Variants in UNC13C observed in about 807,000 individuals in gnomAD.
UNC13C encodes the protein protein unc-13 homolog C.
In UNC13C, 174 loss-of-function variants were observed where a neutral mutation model predicts 245.4. That is an observed-to-expected ratio of 0.71 (90% CI 0.63 to 0.80). The LOEUF is 0.80. Ranked by LOEUF, UNC13C falls within the 30% of genes least tolerant of loss-of-function variation. UNC13C has a pLI of 0.00. For synonymous variants in UNC13C, 992 were observed against 895.1 expected, an observed-to-expected ratio of 1.11 and a Z score of -1.93; for missense variants, 2,829 against 2,602.9, an observed-to-expected ratio of 1.09 and a Z score of -1.89.
chr15:54,526,869 AT>A (rs1036669101), intron 25 of UNC13C, among the ~76,000 whole-genome samples: 4 of 152,124 alleles, frequency 2.6e-5, no homozygotes, highest in African/African-American at 7.2e-5. Flanking sequence ...TAGTTATGCC[AT>A]TTTTTAAATA....
chr15:54,129,927 T>TA (rs2031306468), intron 2 of UNC13C, among the ~76,000 whole-genome samples: 1 of 151,612 alleles, frequency 6.6e-6, no homozygotes, highest in East Asian at 1.9e-4. Flanking sequence ...GTTTTTTTTT[T>TA]ATCTTCTTGA....
At chr15:54,437,007 C>T (rs570419060) in intron 19 of UNC13C, among the ~76,000 whole-genome samples, 1 of 151,966 alleles carries the variant, frequency 6.6e-6, no homozygotes, top group African/African-American at 2.4e-5. Flanking sequence ...TAGCCCATAG[C>T]CTGCAAAATT....
intron 17 of UNC13C, among the ~76,000 whole-genome samples, chr15:54,358,872 G>C (rs2039161199): frequency 6.6e-6 from 1 of 151,998 alleles, no homozygotes. Context: ...CAGTGAAAGT[G>C]GACATCCTTA....
chr15:54,455,197 CTCTCTCTCTATATATATATA>C (rs1442599757), intron 19 of UNC13C, among the ~76,000 whole-genome samples: 32 of 43,924 alleles, frequency 7.3e-4, no homozygotes, highest in African/African-American at 2.2e-3. Flanking sequence ...CTCTCTCTCT[CTCTCTCTCTATATATATATA>C]TATATATATA....
intron 2 of UNC13C, among the ~76,000 whole-genome samples, chr15:54,116,224 T>A (rs2030234106): frequency 6.6e-6 from 1 of 152,136 alleles, no homozygotes; most frequent in South Asian, 2.1e-4. Context: ...ATCAAACCAG[T>A]GTAATTAGAA....
At chr15:54,585,607 A>T (rs2141246394) in intron 30 of UNC13C, among the ~76,000 whole-genome samples, 1 of 152,294 alleles carries the variant, frequency 6.6e-6, no homozygotes, top group Non-Finnish European at 1.5e-5. Context: ...TGGGACTGGG[A>T]AGTGTTAGAG....
At chr15:54,555,009 G>A (rs1269302213) in intron 28 of UNC13C, among the ~76,000 whole-genome samples, 1 of 151,988 alleles carries the variant, frequency 6.6e-6, no homozygotes, top group Non-Finnish European at 1.5e-5. Flanking sequence ...TAAAGTGGAG[G>A]CATTATATTT....
intron 24 of UNC13C, among the ~76,000 whole-genome samples, chr15:54,521,968 T>A (rs1895234856): frequency 6.6e-6 from 1 of 151,886 alleles, no homozygotes; most frequent in Non-Finnish European, 1.5e-5. Flanking sequence ...ATGGAAGAGG[T>A]AGATTTATAA....
intron 10 of UNC13C, among the ~76,000 whole-genome samples, chr15:54,286,345 A>G (rs957712347): frequency 6.6e-6 from 1 of 152,176 alleles, no homozygotes; most frequent in African/African-American, 2.4e-5. Flanking sequence ...TTTTTCTGGT[A>G]TAGTTGCAGT....
intron 4 of UNC13C, among the ~76,000 whole-genome samples, chr15:54,225,005 C>T (rs976117084): frequency 6.7e-6 from 1 of 149,752 alleles, no homozygotes; most frequent in East Asian, 1.9e-4. Flanking sequence ...TCCCTTTTCA[C>T]CTCTGGTTTT....
At chr15:54,477,216 G>A (rs1189360384) in intron 19 of UNC13C, among the ~76,000 whole-genome samples, 2,149 of 114,282 alleles carry the variant, frequency 0.019, 29 homozygotes, top group African/African-American at 0.033. Flanking sequence ...GGGCTGAGAC[G>A]ATGGGGTTTT....
the UNC13C span, among the ~76,000 whole-genome samples, chr15:53,943,759 T>C: frequency 6.6e-6 from 1 of 152,164 alleles, no homozygotes; most frequent in Non-Finnish European, 1.5e-5. Context: ...CTCCTTTCAG[T>C]TCTATCAGTC....
intron 17 of UNC13C, among the ~76,000 whole-genome samples, chr15:54,361,692 A>G (rs1271940077): frequency 6.6e-6 from 1 of 152,136 alleles, no homozygotes. Flanking sequence ...TCTGGGGAGG[A>G]CTTACAGCGA....
intron 2 of UNC13C, among the ~76,000 whole-genome samples, chr15:54,117,165 C>T (rs535338548): frequency 6.6e-6 from 1 of 152,056 alleles, no homozygotes; most frequent in African/African-American, 2.4e-5. Flanking sequence ...CTTATATATT[C>T]TGATTATTAA....
chr15:54,522,006 C>T lies in UNC13C; in HGVS notation c.5458-3543C>T, dbSNP rs796984571. ...GAGCATTTAGAGAGAACACTGCATA[C>T]ACAGTTATAGTAAAGAGCATAGTCA... On this transcript the variant is annotated intron_variant, in intron 24 of 32. Transcript: ENST00000260323. Among the ~76,000 whole-genome samples the T allele has an allele frequency of 2.0e-5, 3 of 152,282 alleles. No individual in the cohort carries two copies. In the South Asian group the frequency reaches 6.2e-4, roughly 32 times the overall value.
rs1414762476 is a variant in UNC13C at position 54,627,988 on chromosome 15, T to C, written c.*875T>C. The C allele has an allele frequency of 6.6e-6, 1 of 152,456 alleles. No homozygotes were observed. The highest frequency in any genetic ancestry group is 1.5e-5 in the Non-Finnish European group (1 of 67,996). 9.4% of individuals were successfully genotyped at this position (152,456 alleles called of 1,614,324 possible). On this transcript the variant is annotated 3_prime_UTR_variant, in exon 33 of 33. Transcript: ENST00000260323. Reference sequence around the variant, plus strand: ...ACTCTATAATCAGTTCAATGCTTTATTTTTAAAAATATTCAATGATTAGTA... The same window carrying C: ...ACTCTATAATCAGTTCAATGCTTTACTTTTAAAAATATTCAATGATTAGTA...
intron 2 of UNC13C, among the ~76,000 whole-genome samples, chr15:54,100,868 T>G (rs1451015193): frequency 2.0e-5 from 3 of 151,944 alleles, no homozygotes; most frequent in Non-Finnish European, 4.4e-5. Flanking sequence ...TCACTCCTCT[T>G]CTCACTCCCC....
chr15:54,622,532 C>A, intron 31 of UNC13C, 113 bp downstream of exon 31: 1 of 763,414 alleles, frequency 1.3e-6, no homozygotes, highest in Non-Finnish European at 2.1e-6. Context: ...TATTTTAGGG[C>A]ATGCACAAAA....
At chr15:54,304,521 G>A (rs901875972) in intron 13 of UNC13C, among the ~76,000 whole-genome samples, 3 of 151,642 alleles carry the variant, frequency 2.0e-5, no homozygotes, top group Non-Finnish European at 4.4e-5. Context: ...TCGCCCTGAC[G>A]TCCGTTTCCT....
Sources: allele counts gnomAD v4.1 joint callset (sites outside exome capture counted in the v4.1 genomes callset), GRCh38; gene constraint gnomAD v4.1.1; transcripts MANE v1.5; gene names NCBI Gene and HGNC (gene_info 2026-07-23, HGNC 2026-07-21).